NCAM1: variants seen among roughly 807,000 people sequenced by gnomAD.
The protein encoded by NCAM1 is antigen recognized by monoclonal antibody 5.1H11.
A neutral mutation model predicts 109.8 loss-of-function variants in NCAM1; 14 were observed. That is an observed-to-expected ratio of 0.13 (90% CI 0.08 to 0.20). The LOEUF (loss-of-function observed/expected upper bound fraction) is 0.20. Among genes scored for constraint, NCAM1 ranks in the 10% least tolerant of loss-of-function variants. The pLI is 1.00. For synonymous variants in NCAM1, 418 were observed against 442.9 expected (o/e 0.94, Z 0.70); for missense variants, 774 against 1,109.9 (o/e 0.70, Z 4.30).
chr11:112,999,140 A>T (rs1441322764), intron 1 of NCAM1, among the ~76,000 whole-genome samples: 1 of 152,216 alleles, frequency 6.6e-6, no homozygotes, highest in Admixed American at 6.5e-5. Flanking sequence ...AATTTAAAAT[A>T]GTGTGATGAA....
At chr11:113,123,148 TGGGTAGCACAGTAGG>T (rs1488212673) in intron 1 of NCAM1, among the ~76,000 whole-genome samples, 1 of 152,188 alleles carries the variant, frequency 6.6e-6, no homozygotes, top group African/African-American at 2.4e-5. Context: ...ATGTTAGTTT[TGGGTAGCACAGTAGG>T]GTGATGACAG....
chr11:113,010,810 T>A (rs1952027182), intron 1 of NCAM1, among the ~76,000 whole-genome samples: 1 of 152,178 alleles, frequency 6.6e-6, no homozygotes, highest in Non-Finnish European at 1.5e-5. Context: ...AAAAGTTACA[T>A]GACAATAAAG....
At chr11:113,048,934 G>A (rs184376277) in intron 1 of NCAM1, among the ~76,000 whole-genome samples, 13 of 152,210 alleles carry the variant, frequency 8.5e-5, no homozygotes, top group Non-Finnish European at 1.5e-4. Flanking sequence ...TGTTTCTTGG[G>A]GTGCTCTTGT....
rs182793394 is a variant in NCAM1 at position 113,184,857 on chromosome 11, G to A, written c.53-17522G>A. Reference sequence around the variant, plus strand: ...CAAACTGTGTGCTAAGGGCAGTGGTGTCCAGTCGTAACGTCCTGTCTTTTA... The same window carrying A: ...CAAACTGTGTGCTAAGGGCAGTGGTATCCAGTCGTAACGTCCTGTCTTTTA... On this transcript the variant is annotated intron_variant, in intron 1 of 19. Coordinates refer to ENST00000316851, the MANE Select transcript of NCAM1 (RefSeq NM_181351.5). 1.9e-3 allele frequency among the ~76,000 whole-genome samples: 294 copies of A among 152,142 alleles called. 2 individuals carry two copies. The highest frequency in any genetic ancestry group is 6.7e-3 in the African/African-American group (278 of 41,502).
rs923074663 is a variant in NCAM1, at chr11:113,276,493, G to T, written c.*1106G>T. On this transcript the variant is annotated 3_prime_UTR_variant, in exon 20 of 20. Transcript: ENST00000316851. Reference sequence around the variant, plus strand: ...TTTGAAGGACTCCTTAGGCTTTGTTGAATGAAGCAGAGAAGATTGTATAGT... The same window carrying T: ...TTTGAAGGACTCCTTAGGCTTTGTTTAATGAAGCAGAGAAGATTGTATAGT... The T allele has an allele frequency of 6.6e-6, 1 of 152,650 alleles. No individual in the cohort carries two copies. 9.5% of individuals were successfully genotyped at this position (152,650 alleles called of 1,614,324 possible).
chr11:113,020,046 G>A (rs893122098), intron 1 of NCAM1, among the ~76,000 whole-genome samples: 1 of 152,160 alleles, frequency 6.6e-6, no homozygotes, highest in Non-Finnish European at 1.5e-5. Context: ...GTTCAAGGCC[G>A]TCATCAGCTT....
At chr11:113,040,911 AT>A (rs1193277220) in intron 1 of NCAM1, 1 of 152,166 alleles carries the variant, frequency 6.6e-6, no homozygotes, top group African/African-American at 2.4e-5. Flanking sequence ...TACTCATATT[AT>A]TCTGTTACAA....
At chr11:113,198,204 G>A (rs913578818) in intron 1 of NCAM1, among the ~76,000 whole-genome samples, 1 of 152,034 alleles carries the variant, frequency 6.6e-6, no homozygotes, top group Admixed American at 6.6e-5. Flanking sequence ...GCTGGACTTG[G>A]AACTGCAACC....
At chr11:113,113,430 G>T (rs1239737667) in intron 1 of NCAM1, among the ~76,000 whole-genome samples, 1 of 152,106 alleles carries the variant, frequency 6.6e-6, no homozygotes, top group African/African-American at 2.4e-5. Context: ...TGTTGACTTT[G>T]TTTCTCTCTG....
intron 19 of NCAM1, chr11:113,272,802 T>G: frequency 1.2e-5 from 5 of 405,952 alleles, no homozygotes; most frequent in South Asian, 9.1e-5. Context: ...TGTGGGCCTG[T>G]GTCCGTGCCT....
At chr11:113,164,758 C>T (rs1418514936) in intron 1 of NCAM1, among the ~76,000 whole-genome samples, 1 of 152,180 alleles carries the variant, frequency 6.6e-6, no homozygotes, top group Non-Finnish European at 1.5e-5. Context: ...CAGAAACCCT[C>T]TGAACCCTGC....
intron 1 of NCAM1, among the ~76,000 whole-genome samples, chr11:113,109,335 G>A (rs1371736636): frequency 3.3e-4 from 48 of 144,044 alleles, no homozygotes; most frequent in Non-Finnish European, 4.3e-4. Flanking sequence ...GTGACAGAGC[G>A]AGACTCTGTC....
Position 113,066,816 on chromosome 11 carries a change from C to T in NCAM1, c.52+105152C>T, listed in dbSNP as rs190889857. The stretch of plus-strand genomic sequence containing the variant: ...GAGATCGAGACCATCCTGGCTAACA[C>T]GGTGAAACCCCATCTCTACTAAAAA... On this transcript the variant is annotated intron_variant, in intron 1 of 19. Coordinates refer to ENST00000316851, the MANE Select transcript of NCAM1 (RefSeq NM_181351.5). 9.7e-3 allele frequency among the ~76,000 whole-genome samples: 1,480 copies of T among 151,798 alleles called. 25 individuals carry two copies. The highest frequency in any genetic ancestry group is 0.034 in the African/African-American group (1,392 of 41,398).
chr11:113,042,411 G>T (rs569196938), intron 1 of NCAM1, among the ~76,000 whole-genome samples: 4 of 152,210 alleles, frequency 2.6e-5, no homozygotes, highest in Non-Finnish European at 5.9e-5. Flanking sequence ...CTCCTTCCCT[G>T]TTCTCCTCTG....
At chr11:113,048,952 G>A (rs1240374287) in intron 1 of NCAM1, among the ~76,000 whole-genome samples, 2 of 152,142 alleles carry the variant, frequency 1.3e-5, no homozygotes, top group Admixed American at 1.3e-4. Flanking sequence ...TGTGAGCTGA[G>A]TATTGTTCTA....
intron 1 of NCAM1, among the ~76,000 whole-genome samples, chr11:113,018,045 G>C (rs189284802): frequency 6.6e-6 from 1 of 152,202 alleles, no homozygotes; most frequent in Non-Finnish European, 1.5e-5. Flanking sequence ...TCCACTGGGC[G>C]AGGCATAGAA....
intron 1 of NCAM1, among the ~76,000 whole-genome samples, chr11:112,982,295 A>G (rs797036372): frequency 3.9e-5 from 6 of 152,040 alleles, no homozygotes; most frequent in African/African-American, 9.6e-5. Flanking sequence ...TAAAAAAGGA[A>G]TAGATATATC....
chr11:113,218,277 C>G (rs2137059270), intron 8 of NCAM1, among the ~76,000 whole-genome samples: 1 of 152,316 alleles, frequency 6.6e-6, no homozygotes, highest in Admixed American at 6.5e-5. Context: ...AGCCCTTAGA[C>G]TGCCACAATG....
chr11:113,192,680 AAAG>A (rs1175765397), intron 1 of NCAM1, among the ~76,000 whole-genome samples: 1 of 152,196 alleles, frequency 6.6e-6, no homozygotes, highest in Non-Finnish European at 1.5e-5. Context: ...GAGGACACAA[AAAG>A]AAAATGAGAC....
Sources: gnomAD v4.1 joint callset for allele counts (sites outside exome capture counted in the v4.1 genomes callset) on GRCh38, gnomAD v4.1.1 for gene constraint, MANE v1.5 for transcripts, NCBI Gene and HGNC (gene_info 2026-07-23, HGNC 2026-07-21) for gene names.